The following WDPCP variants were observed in gnomAD, a reference collection of about 807,000 sequenced individuals.
WDPCP encodes WD repeat-containing and planar cell polarity effector protein fritz homolog.
In WDPCP, 71 loss-of-function variants were observed where a neutral mutation model predicts 93.1. The ratio of observed to expected loss-of-function variants is 0.76; its 90% CI spans 0.63 to 0.93. The LOEUF (loss-of-function observed/expected upper bound fraction) is 0.93, where lower values mean the gene tolerates loss of function less well. Ranked by LOEUF, WDPCP falls within the 40% of genes least tolerant of loss-of-function variation. The pLI, the probability that WDPCP is intolerant of heterozygous loss-of-function variation, is 0.00. For synonymous variants in WDPCP, 315 were observed against 315.0 expected (o/e 1.00, Z 0.00); for missense variants, 844 against 887.4 (o/e 0.95, Z 0.62).
At chr2:63,464,773 C>T (rs767614058) in intron 6 of WDPCP, among the ~76,000 whole-genome samples, 14 of 151,734 alleles carry the variant, frequency 9.2e-5, no homozygotes, top group Non-Finnish European at 1.9e-4. Flanking sequence ...GTAAGTGAAA[C>T]CAGTCAGTAA....
intron 14 of WDPCP, among the ~76,000 whole-genome samples, chr2:63,231,146 C>G (rs777409584): frequency 1.3e-5 from 2 of 152,018 alleles, no homozygotes; most frequent in Non-Finnish European, 2.9e-5. Context: ...AAGACAAAAA[C>G]CACATGTAAA....
intron 3 of WDPCP, chr2:63,622,115 G>A: frequency 8.6e-7 from 1 of 1,159,610 alleles, no homozygotes; most frequent in South Asian, 1.3e-5. Flanking sequence ...AAAGTACAAT[G>A]GAGGGAGGGC....
intron 3 of WDPCP, chr2:63,642,392 T>C (rs919566937): frequency 6.6e-6 from 1 of 152,090 alleles, no homozygotes; most frequent in Non-Finnish European, 1.5e-5. Flanking sequence ...AATTTGTAGA[T>C]TGCTTTGGGT....
At chr2:63,792,810 G>A (rs997651883) in intron 2 of WDPCP, among the ~76,000 whole-genome samples, 1 of 151,936 alleles carries the variant, frequency 6.6e-6, no homozygotes, top group Non-Finnish European at 1.5e-5. Context: ...GCTATGAGTA[G>A]CAGATGATGG....
intron 1 of WDPCP, among the ~76,000 whole-genome samples, chr2:63,549,417 A>G (rs1466605893): frequency 1.3e-5 from 2 of 152,208 alleles, no homozygotes; most frequent in African/African-American, 4.8e-5. Flanking sequence ...AAACTGTTTT[A>G]TACTGTAATG....
intron 12 of WDPCP, among the ~76,000 whole-genome samples, chr2:63,316,606 T>C (rs145843680): frequency 0.019 from 2,912 of 152,002 alleles, 36 homozygotes; most frequent in Middle Eastern, 0.044. Flanking sequence ...TGAGCTGAGA[T>C]TGTGCCACTG....
At chr2:63,473,819 C>G (rs1575487035) in intron 6 of WDPCP, among the ~76,000 whole-genome samples, 2 of 152,164 alleles carry the variant, frequency 1.3e-5, no homozygotes, top group East Asian at 3.9e-4. Context: ...TATGTGTGTT[C>G]CATATCTTAC....
At position 63,243,675 on chromosome 2, in the gene WDPCP, T is replaced by C. The variant is rs552137500; in HGVS notation, c.1915+15632A>G. On this transcript the variant is annotated intron_variant, in intron 14 of 17. Coordinates refer to ENST00000272321, the MANE Select transcript of WDPCP (RefSeq NM_015910.7). ...AAGACTTAACTATCCTAAATGTATA[T>C]ACACCCAACACTGGAGCTCCCAAAT... Among the ~76,000 whole-genome samples, 15 of 152,224 alleles carry C rather than the reference T, an allele frequency of 9.9e-5. No individual in the cohort carries two copies. The South Asian group carries it at 2.9e-3, about 29-fold the overall frequency.
At chr2:63,775,042 C>A (rs1670282233) in intron 2 of WDPCP, among the ~76,000 whole-genome samples, 1 of 152,146 alleles carries the variant, frequency 6.6e-6, no homozygotes, top group Non-Finnish European at 1.5e-5. Context: ...AGATGCTAAT[C>A]CCAAATCCAA....
chr2:63,151,598 A>T (rs1273911794), intron 17 of WDPCP, among the ~76,000 whole-genome samples: 1 of 152,224 alleles, frequency 6.6e-6, no homozygotes, highest in Non-Finnish European at 1.5e-5. Flanking sequence ...AATTTATGGT[A>T]AAGTTTCTTG....
chr2:63,663,170 G>A (rs776309386), intron 2 of WDPCP, among the ~76,000 whole-genome samples: 1 of 152,184 alleles, frequency 6.6e-6, no homozygotes, highest in Non-Finnish European at 1.5e-5. Context: ...AGTATCTTGT[G>A]TTTGGACAGC....
intron 13 of WDPCP, among the ~76,000 whole-genome samples, chr2:63,283,500 A>C (rs1214669051): frequency 6.6e-6 from 1 of 152,224 alleles, no homozygotes; most frequent in East Asian, 1.9e-4. Context: ...GAACGTAGCC[A>C]TACTTATTTG....
At chr2:63,185,449 A>G (rs1237805128) in intron 14 of WDPCP, among the ~76,000 whole-genome samples, 1 of 148,770 alleles carries the variant, frequency 6.7e-6, no homozygotes, top group Non-Finnish European at 1.5e-5. Context: ...TATGTTGTGC[A>G]GGGCTGTTTG....
chr2:63,485,376 AATT>A (rs1302190978), intron 4 of WDPCP, among the ~76,000 whole-genome samples: 1 of 151,476 alleles, frequency 6.6e-6, no homozygotes, highest in Non-Finnish European at 1.5e-5. Context: ...AAAAAAAAAA[AATT>A]ATCATGAGTA....
chr2:63,791,169 A>T (rs1324994758), intron 2 of WDPCP, among the ~76,000 whole-genome samples: 1 of 152,144 alleles, frequency 6.6e-6, no homozygotes, highest in Non-Finnish European at 1.5e-5. Context: ...AGCCCCACAT[A>T]TAATTGCTCA....
At chr2:63,571,084 T>G (rs1299181707) in intron 1 of WDPCP, among the ~76,000 whole-genome samples, 2 of 152,020 alleles carry the variant, frequency 1.3e-5, no homozygotes, top group Admixed American at 1.3e-4. Context: ...TTTGGTATTT[T>G]TTTTTTTCAG....
At chr2:63,158,973 CAAAAAAAAAAAAAAA>C (rs34001322) in intron 15 of WDPCP, among the ~76,000 whole-genome samples, 3 of 61,140 alleles carry the variant, frequency 4.9e-5, no homozygotes, top group East Asian at 1.3e-3. Context: ...CTCATCTCTA[CAAAAAAAAAAAAAAA>C]AAAAAAAAAA....
intron 17 of WDPCP, among the ~76,000 whole-genome samples, chr2:63,127,662 C>T (rs1197597253): frequency 2.3e-5 from 3 of 131,706 alleles, no homozygotes; most frequent in Non-Finnish European, 4.8e-5. Context: ...TGTGTATGTG[C>T]ATATATATAT....
chr2:63,436,897 G>C (rs1697169451), intron 8 of WDPCP, among the ~76,000 whole-genome samples: 1 of 152,020 alleles, frequency 6.6e-6, no homozygotes, highest in African/African-American at 2.4e-5. Context: ...ATTAGTGAAG[G>C]GTGAGATACT....
Sources: allele counts gnomAD v4.1 joint callset (sites outside exome capture counted in the v4.1 genomes callset), GRCh38; gene constraint gnomAD v4.1.1; transcripts MANE v1.5; gene names NCBI Gene and HGNC (gene_info 2026-07-23, HGNC 2026-07-21).